Variants in TSPAN14 observed in about 807,000 individuals in gnomAD.
TSPAN14 encodes the protein tetraspanin 14.
Under a neutral mutation model 36.6 loss-of-function variants are expected in TSPAN14, and 16 were observed. The observed-to-expected ratio is 0.44, with a 90% CI of 0.30 to 0.66. The LOEUF is 0.66. Ranked by LOEUF, TSPAN14 falls within the 30% of genes least tolerant of loss-of-function variation. TSPAN14 has a pLI of 0.12. For synonymous variants in TSPAN14, 139 were observed against 143.8 expected, an observed-to-expected ratio of 0.97 and a Z score of 0.24; for missense variants, 231 against 355.1, an observed-to-expected ratio of 0.65 and a Z score of 2.81.
chr10:80,507,984 AT>A (rs1214413856), intron 4 of TSPAN14, among the ~76,000 whole-genome samples: 1 of 151,980 alleles, frequency 6.6e-6, no homozygotes, highest in African/African-American at 2.4e-5. Context: ...AAGCAAAACT[AT>A]GGGCTTTTTG....
chr10:80,520,204 C>T (rs873258), exon 9 of TSPAN14: 57,330 of 175,682 alleles, frequency 0.33, 11,606 homozygotes, highest in East Asian at 0.83. Flanking sequence ...TCCTGGAAGG[C>T]TCCTGCAGGC....
At chr10:80,491,219 G>A (rs1302877367) in intron 2 of TSPAN14, among the ~76,000 whole-genome samples, 1 of 152,152 alleles carries the variant, frequency 6.6e-6, no homozygotes, top group Non-Finnish European at 1.5e-5. Flanking sequence ...ATTGTCCCTG[G>A]AATAGGGCAT....
At chr10:80,473,189 G>T (rs781181063) in intron 1 of TSPAN14, among the ~76,000 whole-genome samples, 1 of 152,164 alleles carries the variant, frequency 6.6e-6, no homozygotes, top group Non-Finnish European at 1.5e-5. Context: ...CAGGCCCAGT[G>T]CTTCTCCCAC....
At chr10:80,521,493 T>G (rs73305195) in exon 9 of TSPAN14, 15,741 of 152,368 alleles carry the variant, frequency 0.1, 832 homozygotes, top group East Asian at 0.13. Flanking sequence ...TTAGGTTGTG[T>G]GTCCGGGGCT....
At chr10:80,454,642 G>A (rs1845648149) in intron 1 of TSPAN14, among the ~76,000 whole-genome samples, 1 of 152,186 alleles carries the variant, frequency 6.6e-6, no homozygotes, top group South Asian at 2.1e-4. Context: ...GCGGGCCCGG[G>A]GCCGGCACTC....
chr10:80,494,336 G>A (rs1449932473), intron 2 of TSPAN14, among the ~76,000 whole-genome samples: 2 of 152,210 alleles, frequency 1.3e-5, no homozygotes, highest in African/African-American at 4.8e-5. Context: ...TGAGTAGGGC[G>A]AACATGTAAT....
chr10:80,504,836 ACTT>A lies in TSPAN14; in HGVS notation c.132+60_132+62del. On this transcript the variant is annotated intron_variant, in intron 3 of 8. Transcript: ENST00000429989. ...AGGCAGCCAAAACCAGATTCGTTGG[ACTT>A]CATTTTCCCTCCTCCAATCTGTTCC... The A allele has an allele frequency of 9.5e-6, 15 of 1,585,782 alleles. No homozygotes were observed. In the South Asian group the frequency reaches 1.7e-4, roughly 18 times the overall value.
intron 1 of TSPAN14, among the ~76,000 whole-genome samples, chr10:80,464,211 C>CGGCCTCCTTCTCT (rs892247180): frequency 6.6e-6 from 1 of 152,204 alleles, no homozygotes; most frequent in Non-Finnish European, 1.5e-5. Context: ...GTGTGAGGAT[C>CGGCCTCCTTCTCT]GGCCTCCTTC....
At chr10:80,518,000 C>T in exon 9 of TSPAN14, 1 of 1,552,506 alleles carries the variant, frequency 6.4e-7, no homozygotes, top group East Asian at 2.4e-5. Context: ...GGGAGCCGAG[C>T]TGAGCCACGC....
At chr10:80,504,120 G>A (rs1840150108) in intron 2 of TSPAN14, among the ~76,000 whole-genome samples, 1 of 152,242 alleles carries the variant, frequency 6.6e-6, no homozygotes, top group African/African-American at 2.4e-5. Context: ...AGCCTTTCCT[G>A]AGCATAGATG....
At chr10:80,482,016 G>A (rs1847306740) in intron 1 of TSPAN14, among the ~76,000 whole-genome samples, 1 of 152,084 alleles carries the variant, frequency 6.6e-6, no homozygotes, top group Non-Finnish European at 1.5e-5. Context: ...GCCTTGCAAA[G>A]TGCTGGGATT....
At chr10:80,467,328 A>G (rs889170078) in intron 1 of TSPAN14, among the ~76,000 whole-genome samples, 4 of 152,046 alleles carry the variant, frequency 2.6e-5, no homozygotes, top group African/African-American at 9.7e-5. Flanking sequence ...TTTTATTTTT[A>G]GTTTACAGGT....
rs373532820 is a variant in TSPAN14 at position 80,520,778 on chromosome 10, A to C, written c.*2802A>C. 1.5e-5 allele frequency: 8 copies of C among 533,336 alleles called. No homozygotes were observed. In the East Asian group the frequency reaches 3.3e-4, roughly 22 times the overall value. 33.0% of individuals were successfully genotyped at this position (533,336 alleles called of 1,614,324 possible). A position where few individuals can be genotyped will look rare whatever the true frequency, so the allele number is the denominator to read the frequency against. On this transcript the variant is annotated 3_prime_UTR_variant, in exon 9 of 9. Transcript: ENST00000429989. ...CCACCCACCATGCCCCACGTAGCTG[A>C]AAGCTGCTTATCCCAATTGTCAACT... is the stretch of plus-strand genomic sequence containing the variant.
intron 5 of TSPAN14, 36 bp from the exon 6 acceptor site, chr10:80,512,108 T>TAGA: frequency 6.2e-7 from 1 of 1,613,806 alleles, no homozygotes; most frequent in Non-Finnish European, 8.5e-7. Context: ...GGCCCTGTCT[T>TAGA]GGAGCCCCTA....
intron 1 of TSPAN14, among the ~76,000 whole-genome samples, chr10:80,488,088 G>T (rs1038356206): frequency 3.3e-5 from 5 of 152,202 alleles, no homozygotes; most frequent in African/African-American, 1.2e-4. Flanking sequence ...GGGTGGCCTT[G>T]TCTCCTTTCG....
intron 1 of TSPAN14, among the ~76,000 whole-genome samples, chr10:80,476,083 A>G (rs1846865285): frequency 6.6e-6 from 1 of 152,238 alleles, no homozygotes; most frequent in Non-Finnish European, 1.5e-5. Context: ...AATACAATGT[A>G]AAGGCTGGCT....
intron 2 of TSPAN14, among the ~76,000 whole-genome samples, chr10:80,494,365 CAGTA>C (rs915311246): frequency 6.6e-6 from 1 of 152,192 alleles, no homozygotes; most frequent in South Asian, 2.1e-4. Context: ...CAACTTTTGA[CAGTA>C]AGAGAATTTT....
At chr10:80,507,127 GGA>G in intron 3 of TSPAN14, 99 bp from the exon 4 acceptor site, 1 of 1,466,214 alleles carries the variant, frequency 6.8e-7, no homozygotes. Flanking sequence ...CTGAGCCTGG[GGA>G]AGCAAGTCCC....
intron 5 of TSPAN14, among the ~76,000 whole-genome samples, chr10:80,511,472 A>G (rs1840614657): frequency 6.6e-6 from 1 of 152,098 alleles, no homozygotes; most frequent in South Asian, 2.1e-4. Context: ...AAAGGAGAGG[A>G]CGCCACTCTC....
Sources: allele counts gnomAD v4.1 joint callset (sites outside exome capture counted in the v4.1 genomes callset), GRCh38; gene constraint gnomAD v4.1.1; transcripts MANE v1.5; gene names NCBI Gene and HGNC (gene_info 2026-07-23, HGNC 2026-07-21).